Variants in YJU2B observed in about 807,000 individuals in gnomAD.
The protein encoded by YJU2B is YJU2 splicing factor homolog B.
In YJU2B, 18 loss-of-function variants were observed where a neutral mutation model predicts 38.0. The observed-to-expected ratio is 0.47, with a 90% CI of 0.33 to 0.70. The LOEUF is 0.70. Among genes scored for constraint, YJU2B ranks in the 30% least tolerant of loss-of-function variants. The probability of loss-of-function intolerance (pLI) is 0.02; values close to 1 mark genes in which losing one functional copy is unlikely to be tolerated. For missense variants in YJU2B, 538 were observed against 556.3 expected, an observed-to-expected ratio of 0.97 and a Z score of 0.33; for synonymous variants, 246 against 225.4, an observed-to-expected ratio of 1.09 and a Z score of -0.82.
chr19:13,763,064 A>G lies in YJU2B; in HGVS notation c.1187A>G (p.Glu396Gly). 6.5e-7 allele frequency: 1 copy of G among 1,546,288 alleles called. No individual in the cohort carries two copies. The highest frequency in any genetic ancestry group is 8.7e-7 in the Non-Finnish European group (1 of 1,145,954). Reference sequence around the variant, plus strand: ...GCGGACTACTCCGACTCGGAGAGTGAGTGAGCGATCCCCATCCTGGAGACT... The same window carrying G: ...GCGGACTACTCCGACTCGGAGAGTGGGTGAGCGATCCCCATCCTGGAGACT... ...LVADYSDSES[E>G] The change falls in exon 10 of 10, where the codon GAG (glutamate) becomes GGG (glycine). Residue 396 changes from glutamate (E) to glycine (G), a missense_variant. Transcript: ENST00000221554.
At chr19:13,756,391 C>A in intron 4 of YJU2B, 112 bp downstream of exon 4, 1 of 786,862 alleles carries the variant, frequency 1.3e-6, no homozygotes, top group Non-Finnish European at 2.2e-6. Flanking sequence ...TTCCATAAAG[C>A]AGAAAGTCAC....
chr19:13,752,360 C>T (rs368882388), intron 2 of YJU2B, among the ~76,000 whole-genome samples: 2 of 151,910 alleles, frequency 1.3e-5, no homozygotes, highest in East Asian at 3.9e-4. Context: ...GTAATACCAG[C>T]AGTTTGGGAG....
Position 13,759,107 on chromosome 19 carries a change from G to C in YJU2B, c.408G>C (p.Glu136Asp). The change falls in exon 8 of 10, where the codon GAG (glutamate) becomes GAC (aspartate). Residue 136 changes from glutamate (E) to aspartate (D), a missense_variant. Around this residue, in one of 2 missense-constraint regions of YJU2B, gnomAD observed 488 missense variants for 469.5 expected, o/e 1.04. Coordinates refer to ENST00000221554, the MANE Select transcript of YJU2B (RefSeq NM_030818.4). Reference sequence around the variant, plus strand: ...GAGCTCTGATCGTTGCAGAGCATGAGAAGAAGCAGAAGCTGGAGACGGACG... The same window carrying C: ...GAGCTCTGATCGTTGCAGAGCATGACAAGAAGCAGAAGCTGGAGACGGACG... The part of the protein sequence containing the change: ...DNEQVLTTEH[E>D]KKQKLETDAM... The C allele has an allele frequency of 6.2e-7, 1 of 1,613,744 alleles. No individual in the cohort carries two copies. Among genetic ancestry groups the C allele is most frequent in the African/African-American group, 1.3e-5 (1 of 75,074 alleles).
intron 3 of YJU2B, among the ~76,000 whole-genome samples, chr19:13,754,781 C>A (rs1052247832): frequency 2.6e-5 from 4 of 152,120 alleles, no homozygotes; most frequent in African/African-American, 9.7e-5. Flanking sequence ...TTTATATAAT[C>A]TCATAGCCCT....
At chr19:13,741,039 C>T (rs1035740183) in intron 2 of YJU2B, among the ~76,000 whole-genome samples, 7 of 152,208 alleles carry the variant, frequency 4.6e-5, no homozygotes, top group South Asian at 2.1e-4. Context: ...TAATTTGTTA[C>T]GCAACCAGAG....
chr19:13,752,113 T>C (rs1331907555), intron 2 of YJU2B, among the ~76,000 whole-genome samples: 1 of 152,016 alleles, frequency 6.6e-6, no homozygotes, highest in Non-Finnish European at 1.5e-5. Flanking sequence ...AGCAAGCACG[T>C]CCCACTAATT....
chr19:13,738,197 T>C (rs1226304847), intron 2 of YJU2B, among the ~76,000 whole-genome samples: 1 of 152,210 alleles, frequency 6.6e-6, no homozygotes, highest in Non-Finnish European at 1.5e-5. Context: ...TTCTGGGAAG[T>C]TTCCTCTTCA....
intron 2 of YJU2B, among the ~76,000 whole-genome samples, chr19:13,736,940 T>A (rs1972963501): frequency 6.8e-6 from 1 of 147,754 alleles, no homozygotes; most frequent in Non-Finnish European, 1.5e-5. Context: ...GGCAGGAGAA[T>A]GGCTTGAACC....
chr19:13,744,937 G>T (rs1973189951), upstream of YJU2B, among the ~76,000 whole-genome samples: 1 of 151,270 alleles, frequency 6.6e-6, no homozygotes, highest in South Asian at 2.1e-4. Flanking sequence ...AGCCTGCAGT[G>T]AGCCGAGATC....
At chr19:13,735,928 T>C (rs1298140881) in intron 2 of YJU2B, among the ~76,000 whole-genome samples, 1 of 151,682 alleles carries the variant, frequency 6.6e-6, no homozygotes, top group Non-Finnish European at 1.5e-5. Flanking sequence ...GGGGGGCACC[T>C]GTAGTCCCAG....
chr19:13,757,668 ACTC>A (rs1175223076), intron 5 of YJU2B, 115 bp from the exon 6 acceptor site: 2 of 1,180,884 alleles, frequency 1.7e-6, no homozygotes, highest in Middle Eastern at 1.9e-4. Flanking sequence ...CCCGTCTCTA[ACTC>A]CTCCTAGTTG....
At chr19:13,742,645 C>G (rs1463526733) in intron 2 of YJU2B, among the ~76,000 whole-genome samples, 1 of 152,178 alleles carries the variant, frequency 6.6e-6, no homozygotes, top group Admixed American at 6.5e-5. Context: ...CTTTATAGAA[C>G]AGCCTCTTTG....
At chr19:13,749,859 TC>T (rs113416567) in intron 1 of YJU2B, among the ~76,000 whole-genome samples, 1 of 152,246 alleles carries the variant, frequency 6.6e-6, no homozygotes, top group African/African-American at 2.4e-5. Context: ...GGTCTCGATC[TC>T]CTGACCTCAT....
At position 13,762,679 on chromosome 19, in the gene YJU2B, G is replaced by A. The variant is rs563374611; in HGVS notation, c.802G>A (p.Val268Ile). The change falls in exon 10 of 10, where the codon GTC (valine) becomes ATC (isoleucine). Residue 268 changes from valine (V) to isoleucine (I), a missense_variant. By Grantham distance (29) the Val-to-Ile change is conservative. Coordinates refer to ENST00000221554, the MANE Select transcript of YJU2B (RefSeq NM_030818.4). ...CCCCGGATCCGCCTCCAGCAGCAAG[G>A]TCAGCGGCGTCCTGAAGAAGCTGGC... ...SAPGSASSSKVSGVLKKLAQS... is the reference protein window; with the variant it reads ...SAPGSASSSKISGVLKKLAQS... 32 of 1,599,358 alleles carry A rather than the reference G, an allele frequency of 2.0e-5. No individual in the cohort carries two copies. The highest frequency in any genetic ancestry group is 6.7e-5 in the East Asian group (3 of 44,816).
intron 6 of YJU2B, among the ~76,000 whole-genome samples, chr19:13,758,110 C>T (rs896702387): frequency 6.6e-6 from 1 of 152,174 alleles, no homozygotes; most frequent in African/African-American, 2.4e-5. Context: ...CTGCTGTCCC[C>T]CTCCCTGGCC....
At chr19:13,740,316 A>G (rs1195031595) in intron 2 of YJU2B, among the ~76,000 whole-genome samples, 3 of 151,906 alleles carry the variant, frequency 2.0e-5, no homozygotes, top group African/African-American at 7.3e-5. Context: ...AGCTCAAGCA[A>G]TCTTTCCACC....
At chr19:13,753,210 C>T (rs113731796) in intron 2 of YJU2B, among the ~76,000 whole-genome samples, 2,870 of 152,270 alleles carry the variant, frequency 0.019, 30 homozygotes, top group Middle Eastern at 0.044. Context: ...AGGTCCTGCC[C>T]CCTGAGGCTG....
intron 2 of YJU2B, among the ~76,000 whole-genome samples, chr19:13,753,855 G>A (rs1443969500): frequency 2.0e-5 from 3 of 151,942 alleles, no homozygotes; most frequent in Non-Finnish European, 2.9e-5. Context: ...CTCCCACCAG[G>A]TCCCTCCCAT....
At chr19:13,745,776 A>G (rs1973232791), upstream of YJU2B, among the ~76,000 whole-genome samples, 1 of 149,544 alleles carries the variant, frequency 6.7e-6, no homozygotes, top group African/African-American at 2.5e-5. Flanking sequence ...AATAGTAGTA[A>G]TATTGTCATC....
Sources: allele counts gnomAD v4.1 joint callset (sites outside exome capture counted in the v4.1 genomes callset), GRCh38; gene constraint gnomAD v4.1.1; regional missense constraint gnomAD v4.1.1; transcripts MANE v1.5; gene names NCBI Gene and HGNC (gene_info 2026-07-23, HGNC 2026-07-21).